MYO5A: variants seen among roughly 807,000 people sequenced by gnomAD.
MYO5A encodes unconventional myosin-Va.
A neutral mutation model predicts 249.7 loss-of-function variants in MYO5A; 98 were observed. The observed-to-expected ratio is 0.39, with a 90% CI of 0.33 to 0.46. The LOEUF (loss-of-function observed/expected upper bound fraction) is 0.46. MYO5A is among the 20% of genes least tolerant of loss of function. The pLI, the probability that MYO5A is intolerant of heterozygous loss-of-function variation, is 0.98. For synonymous variants in MYO5A, 778 were observed against 810.6 expected, an observed-to-expected ratio of 0.96 and a Z score of 0.68; for missense variants, 1,696 against 2,308.8, an observed-to-expected ratio of 0.73 and a Z score of 5.44.
intron 9 of MYO5A, among the ~76,000 whole-genome samples, chr15:52,402,040 G>A (rs1300148118): frequency 2.0e-5 from 3 of 152,084 alleles, no homozygotes; most frequent in Non-Finnish European, 4.4e-5. Context: ...TTGACTGTGA[G>A]TCAATATTTC....
intron 39 of MYO5A, 149 bp from the exon 40 acceptor site, chr15:52,317,371 T>A: frequency 1.4e-6 from 1 of 725,176 alleles, no homozygotes; most frequent in Non-Finnish European, 2.3e-6. Context: ...CAGCTGTGCT[T>A]AAAAATTTAT....
Position 52,397,348 on chromosome 15 carries a change from A to T in MYO5A, c.1172T>A (p.Ile391Asn). 6.2e-7 allele frequency: 1 copy of T among 1,614,042 alleles called. No homozygotes were observed. Among genetic ancestry groups the T allele is most frequent in the Non-Finnish European group, 8.5e-7 (1 of 1,180,002 alleles). The change falls in exon 10 of 42, where the codon ATC becomes AAC. Residue 391 changes from isoleucine (I) to asparagine (N), a missense_variant. By Grantham distance (149) the Ile-to-Asn change is moderately radical (BLOSUM62 -3). Coordinates refer to ENST00000399233, the MANE Select transcript of MYO5A (RefSeq NM_001382347.1). ...GGCATTCGTGGCCTGCAGCTTGGAG[A>T]TGGGCTTGATGTATGTCTCTGTGGC... ...ATATETYIKP[I>N]SKLQATNARD...
At chr15:52,391,838 A>G in intron 12 of MYO5A, 92 bp downstream of exon 12, 1 of 1,330,688 alleles carries the variant, frequency 7.5e-7, no homozygotes, top group South Asian at 1.2e-5. Context: ...GCATTCCATG[A>G]TATACTAATG....
chr15:52,478,582 G>A (rs182686394), intron 1 of MYO5A, among the ~76,000 whole-genome samples: 2 of 152,312 alleles, frequency 1.3e-5, no homozygotes, highest in East Asian at 3.9e-4. Flanking sequence ...TTTTAAAAGA[G>A]TGAACCTCTT....
rs541216027 is a variant in MYO5A at position 52,356,440 on chromosome 15, T to C, written c.3424-2426A>G. 9.2e-5 allele frequency among the ~76,000 whole-genome samples: 14 copies of C among 152,234 alleles called. No individual in the cohort carries two copies. The South Asian group carries it at 2.9e-3, about 32-fold the overall frequency. ...TTAAAGAATTAGAATAATAATGTCA[T>C]TATAATTTTATATGGTCTTTTAAAC... On this transcript the variant is annotated intron_variant, in intron 25 of 41. Transcript: ENST00000399233.
In MYO5A at chr15:52,504,054, C is replaced by CTCCTTTTTT. The variant is rs1555386579; in HGVS notation, c.27+24725_27+24726insAAAAAAGGA. On this transcript the variant is annotated intron_variant, in intron 1 of 41. Transcript: ENST00000399233. Reference sequence around the variant, plus strand: ...AAGGCTGTTGCTGCTGTTTCTCCTTCTTTTTTTTTTTTTTTTTTTGCCTTT... The same window carrying CTCCTTTTTT: ...AAGGCTGTTGCTGCTGTTTCTCCTTCTCCTTTTTTTTTTTTTTTTTTTTTTTTTGCCTTT... Among the ~76,000 whole-genome samples, 90 of 122,950 alleles carry CTCCTTTTTT rather than the reference C, an allele frequency of 7.3e-4. 1 individual carries two copies. Among genetic ancestry groups the CTCCTTTTTT allele is most frequent in the African/African-American group, 2.6e-3 (87 of 32,848 alleles). The allele number at this position is 122,950 out of a possible 152,430, so 80.7% of individuals were successfully genotyped here. A position where few individuals can be genotyped will look rare whatever the true frequency, so the allele number is the denominator to read the frequency against.
In MYO5A at chr15:52,384,149, C is replaced by G; in HGVS notation, c.1914+12G>C. Reference sequence around the variant, plus strand: ...AGGAAGGAGCGTGGCAGCGGCAGCTCCCTGAACTCACCTGATGCCCCACTG... The same window carrying G: ...AGGAAGGAGCGTGGCAGCGGCAGCTGCCTGAACTCACCTGATGCCCCACTG... On this transcript the variant is annotated intron_variant, in intron 15 of 41. Coordinates refer to ENST00000399233, the MANE Select transcript of MYO5A (RefSeq NM_001382347.1). 2 of 1,614,012 alleles carry G rather than the reference C, an allele frequency of 1.2e-6. No homozygotes were observed. Among genetic ancestry groups the G allele is most frequent in the South Asian group, 1.1e-5 (1 of 91,066 alleles).
intron 4 of MYO5A, among the ~76,000 whole-genome samples, chr15:52,418,778 G>C (rs551884657): frequency 6.6e-5 from 10 of 152,092 alleles, no homozygotes. Context: ...GAGCCGGGGT[G>C]GGGGAGGGTG....
chr15:52,465,765 G>C (rs2076340149), intron 1 of MYO5A, among the ~76,000 whole-genome samples: 1 of 152,122 alleles, frequency 6.6e-6, no homozygotes, highest in Non-Finnish European at 1.5e-5. Flanking sequence ...GCTGACTAGA[G>C]GCTTTTCTAG....
chr15:52,451,095 T>C (rs1053797497), intron 1 of MYO5A, among the ~76,000 whole-genome samples: 1 of 152,146 alleles, frequency 6.6e-6, no homozygotes, highest in African/African-American at 2.4e-5. Flanking sequence ...AGATGTCTCA[T>C]AGACATCTTA....
chr15:52,512,855 C>A (rs2077419493), intron 1 of MYO5A, among the ~76,000 whole-genome samples: 3 of 152,024 alleles, frequency 2.0e-5, no homozygotes, highest in Admixed American at 2.0e-4. Flanking sequence ...GGGCCAGGCA[C>A]AGTGGCTCAC....
intron 34 of MYO5A, among the ~76,000 whole-genome samples, chr15:52,334,722 G>C (rs1055239909): frequency 6.6e-6 from 1 of 152,196 alleles, no homozygotes; most frequent in Non-Finnish European, 1.5e-5. Context: ...GCTAGGTGCT[G>C]TGAAAGCAAA....
At chr15:52,341,840 A>G (rs1380293377) in intron 31 of MYO5A, among the ~76,000 whole-genome samples, 1 of 152,242 alleles carries the variant, frequency 6.6e-6, no homozygotes, top group African/African-American at 2.4e-5. Flanking sequence ...AAAGACAAAT[A>G]TCACTAGAGC....
chr15:52,479,358 T>G (rs1286021005), intron 1 of MYO5A, among the ~76,000 whole-genome samples: 1 of 152,232 alleles, frequency 6.6e-6, no homozygotes, highest in Admixed American at 6.5e-5. Context: ...GTATACTTTA[T>G]GTATTCATGA....
chr15:52,368,392 A>C (rs567764012), intron 22 of MYO5A, among the ~76,000 whole-genome samples: 21 of 152,182 alleles, frequency 1.4e-4, no homozygotes, highest in Non-Finnish European at 2.5e-4. Context: ...ACTTTTTCAA[A>C]ATAATGTGCC....
At position 52,497,210 on chromosome 15, in the gene MYO5A, C is replaced by T. The variant is rs187360717; in HGVS notation, c.27+31570G>A. ...CTCCTGAGATCAAGGGATCCACCCA[C>T]ATCAGCCTCCCAAAGTGTTGGGATT... is the stretch of plus-strand genomic sequence containing the variant. On this transcript the variant is annotated intron_variant, in intron 1 of 41. Transcript: ENST00000399233. Among the ~76,000 whole-genome samples the T allele has an allele frequency of 2.7e-4, 41 of 152,234 alleles. 2 individuals carry two copies. In the East Asian group the frequency reaches 7.6e-3, roughly 28 times the overall value.
rs1467706558 is a variant in MYO5A, at chr15:52,321,402, C to T, written c.4908G>A (p.Gln1636=). Residue 1636 remains glutamine (Q), a synonymous_variant, in exon 38 of 42, where the codon CAG becomes CAA. Transcript: ENST00000399233. ...VLSDLAIQIY[Q]QLVRVLENIL... The stretch of plus-strand genomic sequence containing the variant: ...TGTTCTCTAACACCCGCACGAGCTG[C>T]TGGTAGATCTGAATGGCCAAGTCAC... 2 of 1,614,180 alleles carry T rather than the reference C, an allele frequency of 1.2e-6. No homozygotes were observed. The highest frequency in any genetic ancestry group is 1.7e-5 in the Admixed American group (1 of 60,020).
chr15:52,484,627 A>T (rs896075949), intron 1 of MYO5A, among the ~76,000 whole-genome samples: 4 of 151,980 alleles, frequency 2.6e-5, no homozygotes, highest in Admixed American at 2.6e-4. Context: ...ATTCCCCCAA[A>T]TGTTTTCTGA....
intron 9 of MYO5A, among the ~76,000 whole-genome samples, chr15:52,398,354 T>A (rs2141189538): frequency 6.6e-6 from 1 of 152,350 alleles, no homozygotes; most frequent in South Asian, 2.1e-4. Context: ...GTTAGTACAT[T>A]ATATTTTTCA....
Sources: allele counts gnomAD v4.1 joint callset (sites outside exome capture counted in the v4.1 genomes callset), GRCh38; gene constraint gnomAD v4.1.1; transcripts MANE v1.5; gene names NCBI Gene and HGNC (gene_info 2026-07-23, HGNC 2026-07-21).